CMIP: variants seen among roughly 807,000 people sequenced by gnomAD.
CMIP encodes the protein C-Maf-inducing protein.
CMIP carries 13 observed loss-of-function variants against 97.3 expected under a neutral mutation model. That is an observed-to-expected ratio of 0.13 (90% CI 0.09 to 0.21). The LOEUF (loss-of-function observed/expected upper bound fraction) is 0.21. Ranked by LOEUF, CMIP falls within the 10% of genes least tolerant of loss-of-function variation. The pLI, the probability that CMIP is intolerant of heterozygous loss-of-function variation, is 1.00. For synonymous variants in CMIP, 538 were observed against 436.3 expected, an observed-to-expected ratio of 1.23 and a Z score of -2.91; for missense variants, 847 against 1,024.9, an observed-to-expected ratio of 0.83 and a Z score of 2.37.
intron 1 of CMIP, among the ~76,000 whole-genome samples, chr16:81,450,818 A>G (rs894959141): frequency 2.6e-5 from 4 of 152,318 alleles, no homozygotes; most frequent in Admixed American, 2.6e-4. Flanking sequence ...TTAGTATAAC[A>G]AGGTGTTTAA....
At chr16:81,524,300 A>G (rs772458098) in intron 1 of CMIP, among the ~76,000 whole-genome samples, 1 of 152,226 alleles carries the variant, frequency 6.6e-6, no homozygotes, top group Non-Finnish European at 1.5e-5. Context: ...GGCACATGAA[A>G]CAGAGATGGT....
chr16:81,692,002 GA>G (rs928879004), intron 11 of CMIP, among the ~76,000 whole-genome samples, 162 bp downstream of exon 11: 2 of 152,122 alleles, frequency 1.3e-5, no homozygotes, highest in Admixed American at 6.5e-5. Context: ...TCAGCTGTGG[GA>G]CCCCTGGGGA....
At chr16:81,508,234 C>G (rs1391837321) in intron 1 of CMIP, among the ~76,000 whole-genome samples, 1 of 152,110 alleles carries the variant, frequency 6.6e-6, no homozygotes, top group African/African-American at 2.4e-5. Flanking sequence ...GTGAAAAGTC[C>G]CTCTTGCCCT....
Position 81,446,696 on chromosome 16 carries a change from C to T in CMIP, c.300+1155C>T, listed in dbSNP as rs1020105501. 2.0e-5 allele frequency among the ~76,000 whole-genome samples: 3 copies of T among 152,310 alleles called. No homozygotes were observed. In the South Asian group the frequency reaches 6.2e-4, roughly 32 times the overall value. On this transcript the variant is annotated intron_variant, in intron 1 of 20. Transcript: ENST00000537098. Reference sequence around the variant, plus strand: ...AACCCAGCCAGGAAATAGGGTGTCGCTTACATGGCATGTCACAAACGTGTA... The same window carrying T: ...AACCCAGCCAGGAAATAGGGTGTCGTTTACATGGCATGTCACAAACGTGTA...
intron 1 of CMIP, among the ~76,000 whole-genome samples, chr16:81,506,618 A>G (rs1217039715): frequency 1.3e-5 from 2 of 152,266 alleles, no homozygotes; most frequent in Non-Finnish European, 2.9e-5. Flanking sequence ...GGAAGAAAAT[A>G]AAGTGGAACT....
intron 6 of CMIP, among the ~76,000 whole-genome samples, chr16:81,662,937 C>G (rs1266194811): frequency 6.6e-6 from 1 of 152,098 alleles, no homozygotes; most frequent in African/African-American, 2.4e-5. Flanking sequence ...GTCTTTCAGA[C>G]CAAACATGCA....
At position 81,453,199 on chromosome 16, in the gene CMIP, G is replaced by C. The variant is rs949411130; in HGVS notation, c.300+7658G>C. ...CTTCCCATGGCATCCTTTGTTCGTG[G>C]CTCTACTGCTTTCAAGCTACTGTCA... On this transcript the variant is annotated intron_variant, in intron 1 of 20. Coordinates refer to ENST00000537098, the MANE Select transcript of CMIP (RefSeq NM_198390.3). This position sits in a 1 kb window ranked among gnomAD's most constrained non-coding sequence, Gnocchi z 4.0. Among the ~76,000 whole-genome samples the C allele has an allele frequency of 9.2e-5, 14 of 152,212 alleles. No homozygotes were observed. The highest frequency in any genetic ancestry group is 2.2e-4 in the African/African-American group (9 of 41,450).
At chr16:81,471,339 T>C (rs988287674) in intron 1 of CMIP, among the ~76,000 whole-genome samples, 2 of 152,184 alleles carry the variant, frequency 1.3e-5, no homozygotes, top group African/African-American at 2.4e-5. Flanking sequence ...CACATAAATA[T>C]GTATAGGTGC....
intron 1 of CMIP, among the ~76,000 whole-genome samples, chr16:81,579,265 T>G (rs1020464860): frequency 6.6e-6 from 1 of 152,160 alleles, no homozygotes; most frequent in African/African-American, 2.4e-5. Context: ...GGCCAGCAGC[T>G]GGTCCTCCTG....
intron 3 of CMIP, 55 bp downstream of exon 3, chr16:81,620,981 T>A: frequency 6.2e-7 from 1 of 1,602,906 alleles, no homozygotes; most frequent in Non-Finnish European, 8.5e-7. Context: ...GTGCGATGGC[T>A]TAAAGCCAAT....
intron 1 of CMIP, among the ~76,000 whole-genome samples, chr16:81,589,733 TG>T (rs140858923): frequency 1.3e-3 from 194 of 152,354 alleles, no homozygotes; most frequent in African/African-American, 4.6e-3. Context: ...CCAGATAAAA[TG>T]CATACAGAGA....
intron 1 of CMIP, among the ~76,000 whole-genome samples, chr16:81,514,754 G>T (rs768554376): frequency 4.6e-5 from 7 of 152,150 alleles, no homozygotes; most frequent in Non-Finnish European, 1.0e-4. Flanking sequence ...TAAAGTGGAG[G>T]AAACAGTATT....
intron 1 of CMIP, among the ~76,000 whole-genome samples, chr16:81,596,752 A>G (rs1473154335): frequency 1.3e-5 from 2 of 152,260 alleles, no homozygotes; most frequent in Non-Finnish European, 2.9e-5. Context: ...TTTTCCCAAT[A>G]GAGTAGTGAC....
chr16:81,673,009 G>A (rs1399031643), intron 9 of CMIP, among the ~76,000 whole-genome samples: 1 of 152,218 alleles, frequency 6.6e-6, no homozygotes, highest in African/African-American at 2.4e-5. Flanking sequence ...GCAAGATCAT[G>A]TCAGAGGGTA....
chr16:81,473,018 G>T (rs1907653101), intron 1 of CMIP, among the ~76,000 whole-genome samples: 1 of 152,172 alleles, frequency 6.6e-6, no homozygotes, highest in South Asian at 2.1e-4. Context: ...AGCTTACATA[G>T]ATCCCATCTC....
chr16:81,479,157 C>T (rs1324215145), intron 1 of CMIP, among the ~76,000 whole-genome samples: 1 of 152,128 alleles, frequency 6.6e-6, no homozygotes, highest in Non-Finnish European at 1.5e-5. Context: ...TGGCCTTGCC[C>T]CACAGAGAAA....
chr16:81,694,767 G>T (rs553053740), intron 13 of CMIP, among the ~76,000 whole-genome samples: 53 of 152,268 alleles, frequency 3.5e-4, no homozygotes, highest in African/African-American at 1.2e-3. Context: ...TGGTCTCCAG[G>T]CCACACTGAA....
intron 10 of CMIP, among the ~76,000 whole-genome samples, chr16:81,681,619 C>T (rs1357645777): frequency 6.6e-6 from 1 of 152,222 alleles, no homozygotes; most frequent in African/African-American, 2.4e-5. Flanking sequence ...ATGTTCCCGC[C>T]GCTTGACCAT....
At chr16:81,534,368 A>T (rs1479162334) in intron 1 of CMIP, among the ~76,000 whole-genome samples, 2 of 152,110 alleles carry the variant, frequency 1.3e-5, no homozygotes, top group Non-Finnish European at 2.9e-5. Flanking sequence ...TTTATTTTCA[A>T]TTATGGCATG....
Sources: allele counts gnomAD v4.1 joint callset (sites outside exome capture counted in the v4.1 genomes callset), GRCh38; gene constraint gnomAD v4.1.1; non-coding constraint Gnocchi (gnomAD v3.1); transcripts MANE v1.5; gene names NCBI Gene and HGNC (gene_info 2026-07-23, HGNC 2026-07-21).